Variants in PPP1R13B observed in about 807,000 individuals in gnomAD.
PPP1R13B encodes the protein apoptosis-stimulating of p53 protein 1.
Under a neutral mutation model 119.8 loss-of-function variants are expected in PPP1R13B, and 44 were observed. The observed-to-expected ratio is 0.37, with a 90% CI of 0.29 to 0.47. PPP1R13B has a LOEUF of 0.47. PPP1R13B is among the 20% of genes least tolerant of loss of function. The probability of loss-of-function intolerance (pLI) is 0.99; values close to 1 mark genes in which losing one functional copy is unlikely to be tolerated. For missense variants in PPP1R13B, 1,227 were observed against 1,413.5 expected (o/e 0.87, Z 2.12); for synonymous variants, 542 against 561.5 (o/e 0.97, Z 0.49).
chr14:103,819,096 C>G (rs1402099023), intron 1 of PPP1R13B, among the ~76,000 whole-genome samples: 1 of 152,116 alleles, frequency 6.6e-6, no homozygotes, highest in Non-Finnish European at 1.5e-5. Flanking sequence ...TGCAAAGGCC[C>G]TGAGGCAGAA....
rs756986329 is a variant in PPP1R13B, at chr14:103,739,987, G to C, written c.2429C>G (p.Thr810Ser). The change falls in exon 12 of 17, where the codon ACC (threonine) becomes AGC (serine). Residue 810 changes from threonine to serine, a missense_variant. Coordinates refer to ENST00000202556, the MANE Select transcript of PPP1R13B (RefSeq NM_015316.3). The stretch of plus-strand genomic sequence containing the variant: ...CTCTGCCGGCTCGGCAGTTTGGTGG[G>C]TGGTTTGGGGACAGATGAGCTCCTC... ...EPEELICPQT[T>S]HQTAEPAEDN... is the part of the protein sequence containing the mutation. 9.3e-6 allele frequency: 15 copies of C among 1,614,144 alleles called. No individual in the cohort carries two copies. The Admixed American group carries it at 2.5e-4, about 27-fold the overall frequency.
intron 1 of PPP1R13B, among the ~76,000 whole-genome samples, chr14:103,809,509 T>C (rs745634397): frequency 6.6e-6 from 1 of 152,080 alleles, no homozygotes; most frequent in Non-Finnish European, 1.5e-5. Flanking sequence ...ATTTATTCTA[T>C]CCACTAAAAC....
intron 1 of PPP1R13B, among the ~76,000 whole-genome samples, chr14:103,810,532 G>C (rs888990715): frequency 6.6e-6 from 1 of 152,022 alleles, no homozygotes; most frequent in Non-Finnish European, 1.5e-5. Flanking sequence ...CCAGCACTTT[G>C]GGAGGCCAAG....
chr14:103,779,611 C>CAA (rs11295714), intron 3 of PPP1R13B, among the ~76,000 whole-genome samples: 2 of 137,268 alleles, frequency 1.5e-5, no homozygotes, highest in South Asian at 2.4e-4. Flanking sequence ...TCTGTCTCTA[C>CAA]AAAAAAAAAA....
chr14:103,844,521 T>C (rs551908742), intron 1 of PPP1R13B, among the ~76,000 whole-genome samples: 1 of 152,074 alleles, frequency 6.6e-6, no homozygotes, highest in South Asian at 2.1e-4. Flanking sequence ...CCTGAGGTCA[T>C]GAGTTCAAGG....
At chr14:103,780,522 A>C in intron 3 of PPP1R13B, among the ~76,000 whole-genome samples, 1 of 137,990 alleles carries the variant, frequency 7.2e-6, no homozygotes, top group Non-Finnish European at 1.5e-5. Context: ...AAAGACATTC[A>C]CTGAGATGGG....
chr14:103,738,972 G>C lies in PPP1R13B; in HGVS notation c.2644C>G (p.Leu882Val). Residue 882 changes from leucine to valine, a missense_variant, in exon 13 of 17, where the codon CTG (leucine) becomes GTG (valine). Leu to Val is a conservative substitution (Grantham distance 32). Coordinates refer to ENST00000202556, the MANE Select transcript of PPP1R13B (RefSeq NM_015316.3). The surrounding 1 kb of genome is among the most constrained non-coding windows in gnomAD (Gnocchi z 5.6). ...KPNSERTGHG[L>V]RVRFNPLALL... ...GCCAGGGGGTTAAACCGGACTCTCA[G>C]CCCGTGCCCCGTCCGCTCCGAGTTG... is the stretch of plus-strand genomic sequence containing the variant. 1.2e-6 allele frequency: 2 copies of C among 1,614,112 alleles called. No homozygotes were observed. Among genetic ancestry groups the C allele is most frequent in the Non-Finnish European group, 1.7e-6 (2 of 1,180,018 alleles).
At chr14:103,845,042 A>C (rs1276859071) in intron 1 of PPP1R13B, among the ~76,000 whole-genome samples, 1 of 152,202 alleles carries the variant, frequency 6.6e-6, no homozygotes, top group Non-Finnish European at 1.5e-5. Context: ...TACTACTAAA[A>C]TTAGTACTTT....
intron 1 of PPP1R13B, among the ~76,000 whole-genome samples, chr14:103,813,465 G>A (rs527576515): frequency 6.6e-5 from 10 of 152,196 alleles, no homozygotes; most frequent in African/African-American, 1.2e-4. Context: ...ATCATGGGGC[G>A]GTTTCTCCCA....
chr14:103,788,044 T>C (rs1306394441), intron 2 of PPP1R13B, among the ~76,000 whole-genome samples: 5 of 151,372 alleles, frequency 3.3e-5, no homozygotes, highest in Admixed American at 3.3e-4. Flanking sequence ...GCCCAGGAGG[T>C]TGAAGCTGCA....
intron 3 of PPP1R13B, among the ~76,000 whole-genome samples, chr14:103,781,452 A>G (rs535513634): frequency 3.9e-5 from 6 of 152,298 alleles, no homozygotes; most frequent in African/African-American, 1.4e-4. Flanking sequence ...CGGAAAGATG[A>G]TTTTAAAGTA....
At chr14:103,750,438 C>T (rs1265097655) in intron 7 of PPP1R13B, among the ~76,000 whole-genome samples, 1 of 152,224 alleles carries the variant, frequency 6.6e-6, no homozygotes, top group Non-Finnish European at 1.5e-5. Flanking sequence ...GAGTGTACTT[C>T]CCATAGTAAG....
intron 1 of PPP1R13B, among the ~76,000 whole-genome samples, chr14:103,839,066 GGCTCACCGCAACCTCT>G (rs953709180): frequency 1.1e-4 from 17 of 151,994 alleles, no homozygotes; most frequent in Admixed American, 9.8e-4. Context: ...GTGCAATCTC[GGCTCACCGCAACCTCT>G]GCTCACCGCA....
chr14:103,739,019 T>C lies in PPP1R13B; in HGVS notation c.2597A>G (p.Lys866Arg). 6.2e-7 allele frequency: 1 copy of C among 1,613,058 alleles called. No individual in the cohort carries two copies. The highest frequency in any genetic ancestry group is 8.5e-7 in the Non-Finnish European group (1 of 1,179,474). The change falls in exon 13 of 17, where the codon AAG becomes AGG. Residue 866 changes from lysine to arginine, a missense_variant. By Grantham distance (26) the Lys-to-Arg change is conservative (BLOSUM62 2). Coordinates refer to ENST00000202556, the MANE Select transcript of PPP1R13B (RefSeq NM_015316.3). The stretch of plus-strand genomic sequence containing the variant: ...GTTGGGCTTCTTCAAGTTGGTCCGC[T>C]TGTTCTGTTGGGAAGGAAGCACGCT... ...ASHPPATSTN[K>R]RTNLKKPNSE...
intron 4 of PPP1R13B, among the ~76,000 whole-genome samples, chr14:103,765,988 TA>T (rs200136463): frequency 0.026 from 3,753 of 143,068 alleles, 137 homozygotes; most frequent in African/African-American, 0.082. Context: ...ATTTTTATTT[TA>T]TTATTATTAT....
intron 2 of PPP1R13B, among the ~76,000 whole-genome samples, chr14:103,789,312 G>A (rs1472994824): frequency 1.3e-5 from 2 of 151,942 alleles, no homozygotes; most frequent in Non-Finnish European, 2.9e-5. Context: ...TCCGCCTCCC[G>A]GGTTCAAGCG....
chr14:103,778,845 T>C, intron 3 of PPP1R13B, 24 bp from the exon 4 acceptor site: 1 of 1,577,378 alleles, frequency 6.3e-7, no homozygotes, highest in Middle Eastern at 1.7e-4. Context: ...AGAACCAAAC[T>C]CACCAAAAGG....
intron 1 of PPP1R13B, among the ~76,000 whole-genome samples, chr14:103,815,533 G>A (rs1170330033): frequency 2.0e-5 from 3 of 152,074 alleles, no homozygotes; most frequent in Non-Finnish European, 4.4e-5. Flanking sequence ...AAGGTGGGTG[G>A]ATCATGAGGT....
At chr14:103,782,864 C>T (rs768959746) in intron 3 of PPP1R13B, among the ~76,000 whole-genome samples, 28 of 151,478 alleles carry the variant, frequency 1.8e-4, no homozygotes, top group Non-Finnish European at 2.9e-4. Context: ...AGTGCAATGG[C>T]GCGATCTCGG....
Sources: gnomAD v4.1 joint callset for allele counts (sites outside exome capture counted in the v4.1 genomes callset) on GRCh38, gnomAD v4.1.1 for gene constraint, Gnocchi (gnomAD v3.1) non-coding constraint, MANE v1.5 for transcripts, NCBI Gene and HGNC (gene_info 2026-07-23, HGNC 2026-07-21) for gene names.